Variants in ERICH3 observed in about 807,000 individuals in gnomAD.
The protein encoded by ERICH3 is glutamate-rich protein 3.
ERICH3 carries 126 observed loss-of-function variants against 131.1 expected under a neutral mutation model. The ratio of observed to expected loss-of-function variants is 0.96; its 90% CI spans 0.83 to 1.11. The LOEUF is 1.11. Among genes scored for constraint, ERICH3 ranks in the 50% most tolerant of loss-of-function variants. The probability of loss-of-function intolerance (pLI) is 0.00; values close to 1 mark genes in which losing one functional copy is unlikely to be tolerated. For missense variants in ERICH3, 2,050 were observed against 1,810.7 expected, an observed-to-expected ratio of 1.13 and a Z score of -2.40; for synonymous variants, 695 against 644.6, an observed-to-expected ratio of 1.08 and a Z score of -1.18.
intron 12 of ERICH3, chr1:74,589,239 A>G (rs1298431707): frequency 7.3e-6 from 2 of 272,228 alleles, no homozygotes; most frequent in Non-Finnish European, 1.4e-5. Flanking sequence ...GCACCTATTA[A>G]CATTAGCTAT....
intron 6 of ERICH3, among the ~76,000 whole-genome samples, chr1:74,635,382 T>C (rs189711177): frequency 6.6e-6 from 1 of 152,320 alleles, no homozygotes; most frequent in East Asian, 1.9e-4. Context: ...AGCAGATTAA[T>C]ATATTATTAT....
intron 5 of ERICH3, among the ~76,000 whole-genome samples, chr1:74,639,904 GA>G (rs147012825): frequency 0.02 from 3,040 of 151,592 alleles, 97 homozygotes; most frequent in African/African-American, 0.069. Flanking sequence ...TATCCAGATG[GA>G]AAAAAAAGGG....
chr1:74,668,160 G>C (rs564142106), intron 1 of ERICH3, among the ~76,000 whole-genome samples: 1 of 152,150 alleles, frequency 6.6e-6, no homozygotes, highest in South Asian at 2.1e-4. Context: ...GTAAGAATGG[G>C]CCAATAGAAT....
chr1:74,650,953 G>A (rs1557700222), intron 1 of ERICH3, among the ~76,000 whole-genome samples: 1 of 151,900 alleles, frequency 6.6e-6, no homozygotes, highest in East Asian at 1.9e-4. Context: ...GGCAGAGTCA[G>A]GGAGAGGCAG....
intron 11 of ERICH3, among the ~76,000 whole-genome samples, chr1:74,594,015 G>A (rs1435304934): frequency 1.3e-5 from 2 of 152,050 alleles, no homozygotes. Context: ...CAGAACTCAT[G>A]AAATGTGTAG....
At chr1:74,651,055 A>G (rs1214008964) in intron 1 of ERICH3, among the ~76,000 whole-genome samples, 1 of 152,138 alleles carries the variant, frequency 6.6e-6, no homozygotes, top group East Asian at 1.9e-4. Context: ...ACAAAGTTTT[A>G]TAATCTATAC....
Position 74,612,800 on chromosome 1 carries a change from T to C in ERICH3, c.1010A>G (p.Gln337Arg), listed in dbSNP as rs139050797. 43 of 1,576,258 alleles carry C rather than the reference T, an allele frequency of 2.7e-5. No homozygotes were observed. In the African/African-American group the frequency reaches 3.4e-4, roughly 12 times the overall value. Residue 337 changes from glutamine to arginine, a missense_variant, in exon 9 of 15, where the codon CAG becomes CGG. Gln to Arg is a conservative substitution (Grantham distance 43). Transcript: ENST00000326665. ...ACCATGATGCCTTTTGGAAATAAAC[T>C]GAAAGGTCTCTGGAATTAAAATAGA... Reference protein sequence around the residue: ...KGKLLEKETFQFISKRHHGFP... With the variant: ...KGKLLEKETFRFISKRHHGFP...
intron 8 of ERICH3, among the ~76,000 whole-genome samples, chr1:74,617,296 CA>C (rs1649014009): frequency 6.6e-6 from 1 of 151,104 alleles, no homozygotes; most frequent in African/African-American, 2.4e-5. Context: ...AACAAACAAT[CA>C]AAAGACATGT....
chr1:74,651,533 C>T (rs1646534905), intron 1 of ERICH3, among the ~76,000 whole-genome samples: 1 of 152,116 alleles, frequency 6.6e-6, no homozygotes, highest in African/African-American at 2.4e-5. Context: ...ACATTGTATA[C>T]CTTACCCTTT....
chr1:74,604,872 C>T (rs934117377), intron 10 of ERICH3, among the ~76,000 whole-genome samples: 2 of 151,862 alleles, frequency 1.3e-5, no homozygotes, highest in Non-Finnish European at 2.9e-5. Flanking sequence ...GCATTGGCTT[C>T]ATCATGAACT....
At chr1:74,671,370 T>C (rs1311540783) in intron 1 of ERICH3, among the ~76,000 whole-genome samples, 1 of 152,212 alleles carries the variant, frequency 6.6e-6, no homozygotes, top group Non-Finnish European at 1.5e-5. Flanking sequence ...TTGAAGCATA[T>C]GATCTTTGTA....
chr1:74,589,937 T>C lies in ERICH3; in HGVS notation c.1870A>G (p.Ser624Gly). ...SARRSSSQEL[S>G]ENDKPRKSHL... ...GACTTTCTTGGCTTATCATTTTCAC[T>C]CAGTTCCTGAGAAGATGACCTTCTG... Residue 624 changes from serine (S) to glycine (G), a missense_variant, in exon 12 of 15, where the codon AGT becomes GGT. Physicochemically the swap from Ser to Gly is moderately conservative, Grantham distance 56. Transcript: ENST00000326665. 6.2e-7 allele frequency: 1 copy of C among 1,614,082 alleles called. No individual in the cohort carries two copies. The highest frequency in any genetic ancestry group is 8.5e-7 in the Non-Finnish European group (1 of 1,179,960).
intron 1 of ERICH3, among the ~76,000 whole-genome samples, chr1:74,672,343 C>A (rs950384099): frequency 6.6e-6 from 1 of 152,146 alleles, no homozygotes; most frequent in Non-Finnish European, 1.5e-5. Flanking sequence ...AAATTAAATT[C>A]AACTTGAGAT....
chr1:74,578,064 T>C (rs939574354), intron 12 of ERICH3: 2 of 152,246 alleles, frequency 1.3e-5, no homozygotes, highest in Non-Finnish European at 1.5e-5. Context: ...TAGCATAGAC[T>C]TCAGGATCAC....
In ERICH3 at chr1:74,631,753, G is replaced by A; in HGVS notation, c.779C>T (p.Pro260Leu). ...SETWRRRRFR[P>L]TTAPNGLEPL... Reference sequence around the variant, plus strand: ...TTCTAAGCCATTTGGAGCAGTGGTTGGACGAAATCTTCTCCTTCTCCATGT... The same window carrying A: ...TTCTAAGCCATTTGGAGCAGTGGTTAGACGAAATCTTCTCCTTCTCCATGT... Residue 260 changes from proline (P) to leucine (L), a missense_variant, in exon 7 of 15, where the codon CCA (proline) becomes CTA (leucine). Transcript: ENST00000326665. The A allele has an allele frequency of 1.2e-6, 2 of 1,613,414 alleles. No individual in the cohort carries two copies. The highest frequency in any genetic ancestry group is 1.3e-5 in the African/African-American group (1 of 75,002).
At chr1:74,644,397 C>G (rs1396891949) in intron 3 of ERICH3, among the ~76,000 whole-genome samples, 1 of 152,086 alleles carries the variant, frequency 6.6e-6, no homozygotes, top group Non-Finnish European at 1.5e-5. Flanking sequence ...TTTTTGTCTT[C>G]TGGGTCAAAC....
At chr1:74,644,213 A>T (rs553025650) in intron 3 of ERICH3, among the ~76,000 whole-genome samples, 8 of 151,550 alleles carry the variant, frequency 5.3e-5, no homozygotes, top group African/African-American at 1.9e-4. Context: ...TCTTCTTAAC[A>T]CTTCCCTTTC....
chr1:74,590,625 C>A (rs961144996), intron 11 of ERICH3, among the ~76,000 whole-genome samples: 1 of 152,136 alleles, frequency 6.6e-6, no homozygotes, highest in Non-Finnish European at 1.5e-5. Context: ...GTAATGCCAG[C>A]GATAGGGGAT....
intron 7 of ERICH3, among the ~76,000 whole-genome samples, 195 bp from the exon 8 acceptor site, chr1:74,621,109 A>G (rs1329829291): frequency 6.6e-6 from 1 of 152,170 alleles, no homozygotes; most frequent in East Asian, 1.9e-4. Flanking sequence ...ACTATAACAT[A>G]TATGTTTTGG....
Sources: gnomAD v4.1 joint callset for allele counts (sites outside exome capture counted in the v4.1 genomes callset) on GRCh38, gnomAD v4.1.1 for gene constraint, MANE v1.5 for transcripts, NCBI Gene and HGNC (gene_info 2026-07-23, HGNC 2026-07-21) for gene names.